CEP250: variants seen among roughly 807,000 people sequenced by gnomAD.
CEP250 encodes the protein centrosomal protein 250, also known as centrosome-associated protein CEP250.
A neutral mutation model predicts 315.7 loss-of-function variants in CEP250; 242 were observed. That is an observed-to-expected ratio of 0.77 (90% CI 0.69 to 0.85). CEP250 has a LOEUF of 0.85. Among genes scored for constraint, CEP250 ranks in the 40% least tolerant of loss-of-function variants. The pLI is 0.00. For missense variants in CEP250, 2,515 were observed against 2,886.4 expected, an observed-to-expected ratio of 0.87 and a Z score of 2.95; for synonymous variants, 1,088 against 1,175.0, an observed-to-expected ratio of 0.93 and a Z score of 1.51.
chr20:35,478,280 AC>A (rs894194527), intron 17 of CEP250, among the ~76,000 whole-genome samples, 179 bp downstream of exon 17: 6 of 152,206 alleles, frequency 3.9e-5, no homozygotes, highest in African/African-American at 1.4e-4. Context: ...ACAATTCTTC[AC>A]TGAGGCTGGG....
In CEP250 at chr20:35,497,963, G is replaced by A. The variant is rs768698333; in HGVS notation, c.3551G>A (p.Ser1184Asn). Residue 1184 changes from serine (S) to asparagine (N), a missense_variant, in exon 26 of 35, where the codon AGC (serine) becomes AAC (asparagine). Physicochemically the swap from Ser to Asn is conservative, Grantham distance 46. Coordinates refer to ENST00000397527, the MANE Select transcript of CEP250 (RefSeq NM_007186.6). ...GCCCAGGCCCAGGCCCAGCTGGCCAGCCTCTACTCTGCCCTGCAGCAGGCC... is the reference window on the plus strand; with the variant it reads ...GCCCAGGCCCAGGCCCAGCTGGCCAACCTCTACTCTGCCCTGCAGCAGGCC... Reference protein sequence around the residue: ...NQAQAQAQLASLYSALQQALG... With the variant: ...NQAQAQAQLANLYSALQQALG... 4.3e-6 allele frequency: 7 copies of A among 1,613,108 alleles called. No homozygotes were observed. In the Admixed American group the frequency reaches 1.2e-4, roughly 27 times the overall value.
intron 23 of CEP250, among the ~76,000 whole-genome samples, chr20:35,494,053 G>A (rs749904329): frequency 1.3e-4 from 20 of 152,072 alleles, no homozygotes; most frequent in Non-Finnish European, 2.2e-4. Flanking sequence ...ATAACTCACT[G>A]CAGTCTTGAC....
intron 7 of CEP250, among the ~76,000 whole-genome samples, chr20:35,466,566 AG>A (rs1437288679): frequency 6.6e-5 from 10 of 152,192 alleles, no homozygotes; most frequent in Admixed American, 6.5e-4. Context: ...TGAATGGGAA[AG>A]AAAGAGCTGT....
chr20:35,497,772 G>C lies in CEP250; in HGVS notation c.3360G>C (p.Gln1120His), dbSNP rs761613058. ...VKEKEADFLAQEAQLLEELEA... is the reference protein window; with the variant it reads ...VKEKEADFLAHEAQLLEELEA... ...AAAAGGAGGCTGACTTTCTGGCCCA[G>C]GAAGCACAGCTGCTGGAGGAGCTGG... Residue 1120 changes from glutamine (Q) to histidine (H), a missense_variant, in exon 26 of 35, where the codon CAG becomes CAC. Physicochemically the swap from Gln to His is conservative, Grantham distance 24. Coordinates refer to ENST00000397527, the MANE Select transcript of CEP250 (RefSeq NM_007186.6). The C allele has an allele frequency of 2.6e-6, 4 of 1,561,022 alleles. No individual in the cohort carries two copies. The highest frequency in any genetic ancestry group is 2.4e-5 in the South Asian group (2 of 84,832).
chr20:35,468,616 G>A (rs572076731), intron 9 of CEP250, among the ~76,000 whole-genome samples: 7 of 152,166 alleles, frequency 4.6e-5, no homozygotes, highest in East Asian at 3.9e-4. Flanking sequence ...CCATGTCTTC[G>A]TAAGTTTTTA....
At chr20:35,462,624 G>C in intron 4 of CEP250, 71 bp downstream of exon 4, 3 of 1,345,908 alleles carry the variant, frequency 2.2e-6, no homozygotes, top group Non-Finnish European at 3.0e-6. Context: ...GTGAGATAAG[G>C]GTTGCAGGAG....
chr20:35,504,512 A>G lies in CEP250; in HGVS notation c.6143A>G (p.Asp2048Gly). The G allele has an allele frequency of 6.2e-7, 1 of 1,613,946 alleles. No homozygotes were observed. The highest frequency in any genetic ancestry group is 1.1e-5 in the South Asian group (1 of 91,036). ...CTGCAGCAGGCACTTGCCCAGAGGG[A>G]TGAAGAGCTGAGACATCAGCAGGAA... is the stretch of plus-strand genomic sequence containing the variant. ...QQLQQALAQRDEELRHQQERE... is the reference protein window; with the variant it reads ...QQLQQALAQRGEELRHQQERE... Residue 2048 changes from aspartate to glycine, a missense_variant, in exon 30 of 35, where the codon GAT becomes GGT. Physicochemically the swap from Asp to Gly is moderately conservative, Grantham distance 94 (BLOSUM62 -1). Transcript: ENST00000397527.
At chr20:35,492,642 G>A (rs1390499212) in intron 22 of CEP250, among the ~76,000 whole-genome samples, 3 of 152,242 alleles carry the variant, frequency 2.0e-5, no homozygotes, top group Non-Finnish European at 4.4e-5. Context: ...TCAGGGGCGA[G>A]TGGAGCGGTA....
Position 35,517,100 on chromosome 20 carries a change from G to A in CEP250, c.*5474G>A, listed in dbSNP as rs1235613129. The A allele has an allele frequency of 1.6e-5, 14 of 856,528 alleles. No individual in the cohort carries two copies. The highest frequency in any genetic ancestry group is 3.7e-5 in the African/African-American group (2 of 54,684). 53.1% of individuals were successfully genotyped at this position (856,528 alleles called of 1,614,324 possible). A position where few individuals can be genotyped will look rare whatever the true frequency, so the allele number is the denominator to read the frequency against. ...GTTGGCCTCCATCCCTTCCTCAACC[G>A]TCCGCAGAACACCTCCTTCCAGCAC... On this transcript the variant is annotated 3_prime_UTR_variant, in exon 35 of 35. Coordinates refer to ENST00000397527, the MANE Select transcript of CEP250 (RefSeq NM_007186.6).
chr20:35,456,350 G>A (rs972516328), intron 1 of CEP250, among the ~76,000 whole-genome samples: 1 of 152,202 alleles, frequency 6.6e-6, no homozygotes, highest in African/African-American at 2.4e-5. Context: ...TGTCCCCAGG[G>A]CATTTGATGA....
At chr20:35,466,671 C>T (rs1053265564) in intron 7 of CEP250, among the ~76,000 whole-genome samples, 16 of 152,152 alleles carry the variant, frequency 1.1e-4, no homozygotes, top group Admixed American at 3.3e-4. Flanking sequence ...ATATCATTGA[C>T]TCCTCCTTAG....
chr20:35,465,922 C>A, intron 6 of CEP250, 97 bp downstream of exon 6: 2 of 1,519,108 alleles, frequency 1.3e-6, no homozygotes, highest in Non-Finnish European at 1.8e-6. Context: ...GGACTTCAGC[C>A]ATAGCCCTCT....
chr20:35,504,935 G>A lies in CEP250; in HGVS notation c.6566G>A (p.Ser2189Asn), dbSNP rs1297893651. 6.2e-7 allele frequency: 1 copy of A among 1,614,196 alleles called. No individual in the cohort carries two copies. The highest frequency in any genetic ancestry group is 8.5e-7 in the Non-Finnish European group (1 of 1,180,026). ...SLAQTKASVS[S>N]LQEVAMFLQA... ...GCGCAGACCAAGGCCAGTGTCAGCA[G>A]TCTGCAGGAGGTAGCCATGTTCCTA... Residue 2189 changes from serine (S) to asparagine (N), a missense_variant, in exon 30 of 35, where the codon AGT becomes AAT. By Grantham distance (46) the Ser-to-Asn change is conservative. Coordinates refer to ENST00000397527, the MANE Select transcript of CEP250 (RefSeq NM_007186.6).
In CEP250 at chr20:35,503,988, A is replaced by G. The variant is rs2064102485; in HGVS notation, c.5619A>G (p.Glu1873=). 4 of 1,610,198 alleles carry G rather than the reference A, an allele frequency of 2.5e-6. No homozygotes were observed. The highest frequency in any genetic ancestry group is 2.5e-6 in the Non-Finnish European group (3 of 1,177,700). ...AGGAACAGGCACGAAGGCTGGAGGAAGAGCTGGCAGTGGAGGGACGGCGGG... is the reference window on the plus strand; with the variant it reads ...AGGAACAGGCACGAAGGCTGGAGGAGGAGCTGGCAGTGGAGGGACGGCGGG... ...DHKEQARRLE[E]ELAVEGRRVQ... is the part of the protein sequence containing the mutation. Residue 1873 remains glutamate, a synonymous_variant, in exon 30 of 35, where the codon GAA becomes GAG. Transcript: ENST00000397527. The surrounding 1 kb of genome is among the most constrained non-coding windows in gnomAD (Gnocchi z 4.2).
chr20:35,495,736 C>T (rs1440712046), intron 24 of CEP250, among the ~76,000 whole-genome samples: 1 of 151,818 alleles, frequency 6.6e-6, no homozygotes, highest in Non-Finnish European at 1.5e-5. Context: ...GGTGACAGAA[C>T]GAGACTCCAT....
At chr20:35,509,847 G>A in intron 33 of CEP250, 151 bp from the exon 34 acceptor site, 1 of 702,490 alleles carries the variant, frequency 1.4e-6, no homozygotes, top group Non-Finnish European at 2.6e-6. Flanking sequence ...AGGGCCTGCT[G>A]CCCCATAGAC....
intron 9 of CEP250, 68 bp from the exon 10 acceptor site, chr20:35,469,822 G>A (rs928409299): frequency 4.8e-6 from 5 of 1,036,162 alleles, no homozygotes; most frequent in Non-Finnish European, 5.7e-6. Flanking sequence ...GGGCTGGGGT[G>A]TGCTGCATCG....
At chr20:35,490,573 T>C (rs1225269119) in intron 20 of CEP250, 64 bp from the exon 21 acceptor site, 102 of 1,511,916 alleles carry the variant, frequency 6.7e-5, no homozygotes, top group Non-Finnish European at 9.1e-5. Flanking sequence ...GTTTTTCCAA[T>C]CCAGTACCCC....
Position 35,462,281 on chromosome 20 carries a change from A to G in CEP250, c.-87A>G, listed in dbSNP as rs1048986369. 9.6e-7 allele frequency: 1 copy of G among 1,041,916 alleles called. No individual in the cohort carries two copies. Among genetic ancestry groups the G allele is most frequent in the African/African-American group, 1.6e-5 (1 of 62,088 alleles). 64.5% of individuals were successfully genotyped at this position (1,041,916 alleles called of 1,614,324 possible). ...GGTCCCCAGTTCAAGAGGAGGTTGAAGTGGCATGGCAATGGTTAGAGACCC... is the reference window on the plus strand; with the variant it reads ...GGTCCCCAGTTCAAGAGGAGGTTGAGGTGGCATGGCAATGGTTAGAGACCC... On this transcript the variant is annotated 5_prime_UTR_variant, in exon 4 of 35. Transcript: ENST00000397527.
Sources: gnomAD v4.1 joint callset for allele counts (sites outside exome capture counted in the v4.1 genomes callset) on GRCh38, gnomAD v4.1.1 for gene constraint, Gnocchi (gnomAD v3.1) non-coding constraint, MANE v1.5 for transcripts, NCBI Gene and HGNC (gene_info 2026-07-23, HGNC 2026-07-21) for gene names.